The following PMF1 variants were observed in gnomAD, a reference collection of about 807,000 sequenced individuals.
PMF1 encodes polyamine modulated factor 1, also known as polyamine-modulated factor 1.
A neutral mutation model predicts 26.7 loss-of-function variants in PMF1; 21 were observed. The observed-to-expected ratio is 0.79, with a 90% CI of 0.56 to 1.13. The LOEUF (loss-of-function observed/expected upper bound fraction) is 1.13, where lower values mean the gene tolerates loss of function less well. PMF1 is among the 50% of genes most tolerant of loss of function. The probability of loss-of-function intolerance (pLI) is 0.00; values close to 1 mark genes in which losing one functional copy is unlikely to be tolerated. For missense variants in PMF1, 266 were observed against 254.9 expected (o/e 1.04, Z -0.30); for synonymous variants, 105 against 101.0 (o/e 1.04, Z -0.24).
intron 1 of PMF1, among the ~76,000 whole-genome samples, chr1:156,229,624 G>T (rs775876125): frequency 1.3e-5 from 2 of 151,444 alleles, no homozygotes; most frequent in Non-Finnish European, 2.9e-5. Flanking sequence ...AGGCTGGAGT[G>T]CAATGGCGTG....
In PMF1 at chr1:156,239,983, C is replaced by T. The variant is rs1222549605; in HGVS notation, c.*382C>T. Reference sequence around the variant, plus strand: ...CTGATTGCCCCCTTGCTGGCCAGCCCAGGGGCCTTTACCATGTTCTCTCCA... The same window carrying T: ...CTGATTGCCCCCTTGCTGGCCAGCCTAGGGGCCTTTACCATGTTCTCTCCA... On this transcript the variant is annotated 3_prime_UTR_variant, in exon 5 of 5. Transcript: ENST00000368277. 1 of 220,632 alleles carries T rather than the reference C, an allele frequency of 4.5e-6. No homozygotes were observed. The highest frequency in any genetic ancestry group is 1.1e-4 in the East Asian group (1 of 8,922). 13.7% of individuals were successfully genotyped at this position (220,632 alleles called of 1,614,324 possible). A position where few individuals can be genotyped will look rare whatever the true frequency, so the allele number is the denominator to read the frequency against.
chr1:156,217,221 C>G (rs1360755097), intron 1 of PMF1, among the ~76,000 whole-genome samples: 1 of 109,998 alleles, frequency 9.1e-6, no homozygotes, highest in Admixed American at 9.7e-5. Flanking sequence ...TACCCTAAAA[C>G]TTAAAGTATA....
Position 156,239,538 on chromosome 1 carries a change from T to C in PMF1, c.565-10T>C, listed in dbSNP as rs1659229800. The C allele has an allele frequency of 6.2e-7, 1 of 1,611,680 alleles. No individual in the cohort carries two copies. The highest frequency in any genetic ancestry group is 1.1e-5 in the South Asian group (1 of 90,838). ...ATCCCAGTTTGTCTGTTGTCTCCCA[T>C]TGATTTCAGGCTCTACACAGAGAAC... On this transcript the variant is annotated splice_polypyrimidine_tract_variant and intron_variant, in intron 4 of 4. Coordinates refer to ENST00000368277, the MANE Select transcript of PMF1 (RefSeq NM_007221.4).
intron 1 of PMF1, among the ~76,000 whole-genome samples, chr1:156,230,933 A>G (rs1658661354): frequency 6.6e-6 from 1 of 152,068 alleles, no homozygotes; most frequent in Non-Finnish European, 1.5e-5. Context: ...TTAGCTGGTC[A>G]TGGCAGGCAC....
rs1371074585 is a variant in PMF1 at position 156,228,288 on chromosome 1, T to TTTTTTTTC, written c.162-4032_162-4031insTTTTTTTC. Reference sequence around the variant, plus strand: ...TTTTTTTTTTTTTTTTTTTTTTTTTTAGTGTATCACTTTCCTGCTTCTCCC... The same window carrying TTTTTTTTC: ...TTTTTTTTTTTTTTTTTTTTTTTTTTTTTTTTTCAGTGTATCACTTTCCTGCTTCTCCC... On this transcript the variant is annotated intron_variant, in intron 1 of 4. Transcript: ENST00000368277. Among the ~76,000 whole-genome samples the TTTTTTTTC allele has an allele frequency of 5.6e-5, 8 of 143,882 alleles. 1 individual carries two copies. Among genetic ancestry groups the TTTTTTTTC allele is most frequent in the South Asian group, 2.2e-4 (1 of 4,478 alleles). 94.4% of individuals were successfully genotyped at this position (143,882 alleles called of 152,430 possible).
chr1:156,239,471 G>A, intron 4 of PMF1, 77 bp from the exon 5 acceptor site: 1 of 1,176,802 alleles, frequency 8.5e-7, no homozygotes, highest in Non-Finnish European at 1.3e-6. Flanking sequence ...CCCCAGGCCT[G>A]GAGTCAGGGA....
intron 1 of PMF1, among the ~76,000 whole-genome samples, chr1:156,219,316 T>C (rs1033173116): frequency 2.0e-5 from 3 of 152,216 alleles, no homozygotes; most frequent in Non-Finnish European, 4.4e-5. Context: ...ATCGTTTTAC[T>C]CTTTAAATCT....
intron 1 of PMF1, among the ~76,000 whole-genome samples, chr1:156,230,988 G>A (rs1658664083): frequency 6.6e-6 from 1 of 152,040 alleles, no homozygotes; most frequent in African/African-American, 2.4e-5. Context: ...GGCCGAGATG[G>A]GCGGATCACG....
chr1:156,224,386 G>T (rs1247850412), intron 1 of PMF1, among the ~76,000 whole-genome samples: 2 of 152,178 alleles, frequency 1.3e-5, no homozygotes, highest in Admixed American at 6.5e-5. Flanking sequence ...AATCCTAATT[G>T]TACCTGTCGA....
chr1:156,231,044 G>A (rs1334569764), intron 1 of PMF1, among the ~76,000 whole-genome samples: 3 of 151,632 alleles, frequency 2.0e-5, no homozygotes, highest in Non-Finnish European at 1.5e-5. Context: ...TGAAACCCCC[G>A]TCTCTACTAA....
chr1:156,226,527 G>A (rs1433417671), intron 1 of PMF1, among the ~76,000 whole-genome samples: 1 of 152,242 alleles, frequency 6.6e-6, no homozygotes, highest in Admixed American at 6.5e-5. Context: ...GCTCTGGGGA[G>A]CCAAGTTACT....
intron 1 of PMF1, among the ~76,000 whole-genome samples, chr1:156,217,026 T>C (rs1300344829): frequency 1.3e-5 from 2 of 150,710 alleles, no homozygotes; most frequent in Admixed American, 1.3e-4. Flanking sequence ...AGGTGGGAAT[T>C]GAACAATGAG....
At chr1:156,222,633 C>T (rs559014419) in intron 1 of PMF1, among the ~76,000 whole-genome samples, 20 of 152,266 alleles carry the variant, frequency 1.3e-4, no homozygotes, top group African/African-American at 4.1e-4. Context: ...CTGCCCGCCT[C>T]GGCCTCCCAA....
At chr1:156,227,292 T>A (rs1040849340) in intron 1 of PMF1, among the ~76,000 whole-genome samples, 1 of 151,652 alleles carries the variant, frequency 6.6e-6, no homozygotes, top group South Asian at 2.1e-4. Flanking sequence ...TCACCTGAGA[T>A]TGGGAGTTCA....
At chr1:156,215,630 G>A (rs537221101) in intron 1 of PMF1, among the ~76,000 whole-genome samples, 1 of 152,042 alleles carries the variant, frequency 6.6e-6, no homozygotes, top group East Asian at 1.9e-4. Context: ...AGGCTCAAGT[G>A]ATCCTCCCAC....
intron 1 of PMF1, among the ~76,000 whole-genome samples, chr1:156,215,658 C>T (rs1279674957): frequency 6.6e-6 from 1 of 152,044 alleles, no homozygotes; most frequent in East Asian, 1.9e-4. Context: ...TCCCAGAGTG[C>T]TAGGATTACA....
rs184920632 is a variant in PMF1 at position 156,230,059 on chromosome 1, G to A, written c.162-2261G>A. ...TTCCAAAAACATTGTTTGGGGGCGG[G>A]TTTCGTGAGGAGGCTTAAAGAGCCA... On this transcript the variant is annotated intron_variant, in intron 1 of 4. Coordinates refer to ENST00000368277, the MANE Select transcript of PMF1 (RefSeq NM_007221.4). Among the ~76,000 whole-genome samples the A allele has an allele frequency of 9.0e-4, 137 of 152,280 alleles. No individual in the cohort carries two copies. The East Asian group carries it at 0.024, about 26-fold the overall frequency.
At chr1:156,234,387 G>T (rs757494683) in intron 3 of PMF1, among the ~76,000 whole-genome samples, 1 of 152,158 alleles carries the variant, frequency 6.6e-6, no homozygotes, top group Non-Finnish European at 1.5e-5. Context: ...AGGCAGAATC[G>T]TGAGGTTTGG....
At chr1:156,225,481 C>T in intron 1 of PMF1, 1 of 859,438 alleles carries the variant, frequency 1.2e-6, no homozygotes, top group Non-Finnish European at 1.9e-6. Context: ...TGGCAAAGTC[C>T]ATTGTACCAT....
Sources: allele counts gnomAD v4.1 joint callset (sites outside exome capture counted in the v4.1 genomes callset), GRCh38; gene constraint gnomAD v4.1.1; transcripts MANE v1.5; gene names NCBI Gene and HGNC (gene_info 2026-07-23, HGNC 2026-07-21).